DNAJC10: variants seen among roughly 807,000 people sequenced by gnomAD.
DNAJC10 encodes endoplasmic reticulum disulfide reductase DNAJC10.
Under a neutral mutation model 115.0 loss-of-function variants are expected in DNAJC10, and 101 were observed. That is an observed-to-expected ratio of 0.88 (90% CI 0.75 to 1.04). DNAJC10 has a LOEUF of 1.04. DNAJC10 is among the 50% of genes least tolerant of loss of function. The pLI is 0.00. For missense variants in DNAJC10, 981 were observed against 928.8 expected (o/e 1.06, Z -0.73); for synonymous variants, 307 against 301.5 (o/e 1.02, Z -0.19).
Position 182,777,242 on chromosome 2 carries a change from A to C in DNAJC10, c.*110A>C, listed in dbSNP as rs574555017. 2.1e-4 allele frequency: 143 copies of C among 691,058 alleles called. 1 individual carries two copies. In the African/African-American group the frequency reaches 2.5e-3, roughly 12 times the overall value. 42.8% of individuals were successfully genotyped at this position (691,058 alleles called of 1,614,324 possible). A position where few individuals can be genotyped will look rare whatever the true frequency, so the allele number is the denominator to read the frequency against. On this transcript the variant is annotated 3_prime_UTR_variant, in exon 24 of 24. Coordinates refer to ENST00000264065, the MANE Select transcript of DNAJC10 (RefSeq NM_018981.4). ...TGGGAATGAATGAACATTATCTTAG[A>C]CTTGCAGTTGTACTGCCAGAATTAT...
chr2:182,740,129 T>A, intron 11 of DNAJC10, 170 bp from the exon 12 acceptor site: 1 of 1,142,928 alleles, frequency 8.7e-7, no homozygotes, highest in Non-Finnish European at 1.1e-6. Flanking sequence ...TTTTTGATAA[T>A]TGCCAAAATA....
chr2:182,737,235 T>C (rs1363186865), intron 11 of DNAJC10, among the ~76,000 whole-genome samples: 3 of 152,144 alleles, frequency 2.0e-5, no homozygotes, highest in Non-Finnish European at 2.9e-5. Flanking sequence ...GGAGCTAAGA[T>C]AAATAGTGGG....
chr2:182,726,030 T>C (rs1293893426), intron 5 of DNAJC10, among the ~76,000 whole-genome samples: 2 of 152,194 alleles, frequency 1.3e-5, no homozygotes, highest in Non-Finnish European at 2.9e-5. Context: ...CAAAGTAAAT[T>C]GGAAACCTTC....
rs1232435160 is a variant in DNAJC10 at position 182,792,110 on chromosome 2, C to A, written c.*14978C>A. 4 of 152,102 alleles carry A rather than the reference C, an allele frequency of 2.6e-5. No homozygotes were observed. Among genetic ancestry groups the A allele is most frequent in the African/African-American group, 9.7e-5 (4 of 41,426 alleles). The allele number at this position is 152,102 out of a possible 1,614,324, so 9.4% of individuals were successfully genotyped here. Reference sequence around the variant, plus strand: ...CTTTTCATGCCATCATCTTGACACTCAATACATGTTCAAAGAGTAAATTAA... The same window carrying A: ...CTTTTCATGCCATCATCTTGACACTAAATACATGTTCAAAGAGTAAATTAA... On this transcript the variant is annotated 3_prime_UTR_variant, in exon 24 of 24. Coordinates refer to ENST00000264065, the MANE Select transcript of DNAJC10 (RefSeq NM_018981.4).
At position 182,768,527 on chromosome 2, in the gene DNAJC10, G is replaced by T. The variant is rs149246177; in HGVS notation, c.2265+5726G>T. Among the ~76,000 whole-genome samples, 604 of 152,276 alleles carry T rather than the reference G, an allele frequency of 4.0e-3. 12 individuals are homozygous for T. Among genetic ancestry groups the T allele is most frequent in the Non-Finnish European group, 1.2e-3 (84 of 68,024 alleles). On this transcript the variant is annotated intron_variant, in intron 22 of 23. Transcript: ENST00000264065. ...ACAGGAAGGCCAAAGCAGAATAATG[G>T]TTGGAGTAAGGAGAAACACAAACCA...
chr2:182,775,718 T>G (rs1694688761), intron 23 of DNAJC10, among the ~76,000 whole-genome samples: 1 of 152,132 alleles, frequency 6.6e-6, no homozygotes, highest in Non-Finnish European at 1.5e-5. Flanking sequence ...AAAAGAAATG[T>G]CTGTCAACTG....
In DNAJC10 at chr2:182,772,323, TGTCTATTAG is replaced by T. The variant is rs537668850; in HGVS notation, c.2266-2988_2266-2980del. 2.7e-3 allele frequency among the ~76,000 whole-genome samples: 409 copies of T among 152,304 alleles called. 2 individuals are homozygous for T. Among genetic ancestry groups the T allele is most frequent in the Non-Finnish European group, 5.1e-3 (344 of 68,022 alleles). ...GATTTGGGGTGGAGAGTTCTGTGGT[TGTCTATTAG>T]GTCTGCTTTTTGCAGAGCTGAGTGC... On this transcript the variant is annotated intron_variant, in intron 22 of 23. Transcript: ENST00000264065.
rs143144951 is a variant in DNAJC10, at chr2:182,756,394, C to A, written c.1734C>A (p.Val578=). 4 of 1,613,916 alleles carry A rather than the reference C, an allele frequency of 2.5e-6. No homozygotes were observed. Among genetic ancestry groups the A allele is most frequent in the Non-Finnish European group, 3.4e-6 (4 of 1,179,928 alleles). Residue 578 remains valine (V), a synonymous_variant, in exon 18 of 24, where the codon GTC becomes GTA. Coordinates refer to ENST00000264065, the MANE Select transcript of DNAJC10 (RefSeq NM_018981.4). ...ELVTQRKHNE[V]WMVDFYSPWC... Reference sequence around the variant, plus strand: ...TTACACAAAGAAAACACAACGAAGTCTGGATGGTTGATTTCTATTCTCCGT... The same window carrying A: ...TTACACAAAGAAAACACAACGAAGTATGGATGGTTGATTTCTATTCTCCGT...
chr2:182,743,793 T>C (rs540690140), intron 14 of DNAJC10, 81 bp downstream of exon 14: 4 of 947,122 alleles, frequency 4.2e-6, no homozygotes, highest in Admixed American at 4.5e-5. Context: ...TTTAAACTTA[T>C]TTTTTACGGA....
intron 11 of DNAJC10, among the ~76,000 whole-genome samples, chr2:182,738,919 A>G (rs1188596727): frequency 6.6e-6 from 1 of 152,084 alleles, no homozygotes; most frequent in African/African-American, 2.4e-5. Flanking sequence ...TAGATAAGAC[A>G]GCAGTCCTTT....
intron 22 of DNAJC10, among the ~76,000 whole-genome samples, chr2:182,774,609 C>T (rs1351714995): frequency 6.6e-6 from 1 of 152,242 alleles, no homozygotes; most frequent in African/African-American, 2.4e-5. Flanking sequence ...TCTTAGACTG[C>T]TGCACTAGCA....
chr2:182,791,509 G>A lies in DNAJC10; in HGVS notation c.*14377G>A, dbSNP rs918527875. The A allele has an allele frequency of 1.3e-5, 2 of 152,140 alleles. No homozygotes were observed. The highest frequency in any genetic ancestry group is 4.8e-5 in the African/African-American group (2 of 41,438). 9.4% of individuals were successfully genotyped at this position (152,140 alleles called of 1,614,324 possible). A position where few individuals can be genotyped will look rare whatever the true frequency, so the allele number is the denominator to read the frequency against. The stretch of plus-strand genomic sequence containing the variant: ...TTCTGAAACTATGCTGGGGAAAGTA[G>A]CTCTGTCCATAATGATTATATAGTT... On this transcript the variant is annotated 3_prime_UTR_variant, in exon 24 of 24. Transcript: ENST00000264065.
chr2:182,759,089 C>T (rs1218024599), intron 20 of DNAJC10, 71 bp from the exon 21 acceptor site: 2 of 1,326,286 alleles, frequency 1.5e-6, no homozygotes, highest in African/African-American at 1.5e-5. Context: ...GAAAGTATTA[C>T]AATATTATTG....
chr2:182,741,588 C>T (rs1379311618), intron 13 of DNAJC10, among the ~76,000 whole-genome samples: 1 of 151,992 alleles, frequency 6.6e-6, no homozygotes, highest in Non-Finnish European at 1.5e-5. Flanking sequence ...CTGTATCATA[C>T]AATTTTTCTG....
rs1264535329 is a variant in DNAJC10, at chr2:182,785,112, T to A, written c.*7980T>A. On this transcript the variant is annotated 3_prime_UTR_variant, in exon 24 of 24. Coordinates refer to ENST00000264065, the MANE Select transcript of DNAJC10 (RefSeq NM_018981.4). Reference sequence around the variant, plus strand: ...TAATAAATAGGACAGATACTCAAAGTGTATGAATGGTATGACAATAAATTT... The same window carrying A: ...TAATAAATAGGACAGATACTCAAAGAGTATGAATGGTATGACAATAAATTT... 1 of 152,150 alleles carries A rather than the reference T, an allele frequency of 6.6e-6. No homozygotes were observed. Among genetic ancestry groups the A allele is most frequent in the Non-Finnish European group, 1.5e-5 (1 of 68,022 alleles). The allele number at this position is 152,150 out of a possible 1,614,324, so 9.4% of individuals were successfully genotyped here.
chr2:182,719,798 CTTTTTT>C (rs35682380), intron 3 of DNAJC10, among the ~76,000 whole-genome samples: 1 of 122,200 alleles, frequency 8.2e-6, no homozygotes, highest in African/African-American at 3.1e-5. Flanking sequence ...ACTTTTCTTA[CTTTTTT>C]TTTTTTTTTT....
In DNAJC10 at chr2:182,721,769, A is replaced by T. The variant is rs114715836; in HGVS notation, c.368-256A>T. Among the ~76,000 whole-genome samples, 1,317 of 152,210 alleles carry T rather than the reference A, an allele frequency of 8.7e-3. 13 individuals are homozygous for T. The highest frequency in any genetic ancestry group is 0.031 in the African/African-American group (1,270 of 41,544). ...AATATAAATTTTATATGGAGGTAAA[A>T]TTATGTGAATATTACGAACTACCGC... On this transcript the variant is annotated intron_variant, in intron 4 of 23. Coordinates refer to ENST00000264065, the MANE Select transcript of DNAJC10 (RefSeq NM_018981.4).
In DNAJC10 at chr2:182,784,070, A is replaced by T. The variant is rs540123359; in HGVS notation, c.*6938A>T. ...TGGCTGGGTGCAGTAGCTCACGCCC[A>T]TAATCCCAGCACTTTGGGAGGCCAA... On this transcript the variant is annotated 3_prime_UTR_variant, in exon 24 of 24. Transcript: ENST00000264065. 1 of 152,254 alleles carries T rather than the reference A, an allele frequency of 6.6e-6. No homozygotes were observed. The highest frequency in any genetic ancestry group is 2.4e-5 in the African/African-American group (1 of 41,566). The allele number at this position is 152,254 out of a possible 1,614,324, so 9.4% of individuals were successfully genotyped here.
rs746940493 is a variant in DNAJC10 at position 182,756,344 on chromosome 2, A to C, written c.1684A>C (p.Thr562Pro). Residue 562 changes from threonine (T) to proline (P), a missense_variant, in exon 18 of 24, where the codon ACA becomes CCA. Coordinates refer to ENST00000264065, the MANE Select transcript of DNAJC10 (RefSeq NM_018981.4). ...DLMNPSVVSL[T>P]PTTFNELVTQ... ...TATGAATCCTTCAGTGGTCTCCCTT[A>C]CACCCACCACCTTCAACGAACTAGT... 2 of 1,613,764 alleles carry C rather than the reference A, an allele frequency of 1.2e-6. No individual in the cohort carries two copies. Among genetic ancestry groups the C allele is most frequent in the Non-Finnish European group, 1.7e-6 (2 of 1,179,828 alleles).
Sources: gnomAD v4.1 joint callset for allele counts (sites outside exome capture counted in the v4.1 genomes callset) on GRCh38, gnomAD v4.1.1 for gene constraint, MANE v1.5 for transcripts, NCBI Gene and HGNC (gene_info 2026-07-23, HGNC 2026-07-21) for gene names.